LGSN: variants seen among roughly 807,000 people sequenced by gnomAD.
LGSN encodes the protein lengsin, lens protein with glutamine synthetase domain.
LGSN carries 21 observed loss-of-function variants against 19.5 expected under a neutral mutation model. That is an observed-to-expected ratio of 1.07 (90% CI 0.76 to 1.55). LGSN has a LOEUF of 1.55. Ranked by LOEUF, LGSN falls within the 40% of genes most tolerant of loss-of-function variation. The probability of loss-of-function intolerance (pLI) is 0.00; values close to 1 mark genes in which losing one functional copy is unlikely to be tolerated. For synonymous variants in LGSN, 257 were observed against 215.6 expected, an observed-to-expected ratio of 1.19 and a Z score of -1.68; for missense variants, 673 against 608.5, an observed-to-expected ratio of 1.11 and a Z score of -1.12.
chr6:63,515,565 TA>T, the LGSN span, among the ~76,000 whole-genome samples: 1 of 152,202 alleles, frequency 6.6e-6, no homozygotes, highest in African/African-American at 2.4e-5. Flanking sequence ...AGAAGTTATT[TA>T]AAATGTTGAA....
chr6:63,432,126 A>C, the LGSN span, among the ~76,000 whole-genome samples: 1 of 123,458 alleles, frequency 8.1e-6, no homozygotes, highest in Non-Finnish European at 1.6e-5. Context: ...AGAAAGAAAG[A>C]AAGAAAGAAA....
chr6:63,409,305 T>TAA, the LGSN span, among the ~76,000 whole-genome samples: 1 of 152,262 alleles, frequency 6.6e-6, no homozygotes, highest in Admixed American at 6.5e-5. Flanking sequence ...ATGTAATCTT[T>TAA]CTTTAGATAT....
At chr6:63,516,870 T>C in the LGSN span, among the ~76,000 whole-genome samples, 1 of 152,154 alleles carries the variant, frequency 6.6e-6, no homozygotes, top group Non-Finnish European at 1.5e-5. Flanking sequence ...GAGGTGACCT[T>C]GGAATTGGAA....
chr6:63,455,896 G>A, the LGSN span, among the ~76,000 whole-genome samples: 59 of 151,470 alleles, frequency 3.9e-4, no homozygotes, highest in Non-Finnish European at 6.6e-4. Context: ...GCAACACAGC[G>A]AGACCCTGTC....
chr6:63,477,687 C>CTTT, the LGSN span, among the ~76,000 whole-genome samples: 19 of 61,048 alleles, frequency 3.1e-4, 2 homozygotes, highest in Admixed American at 8.3e-4. Flanking sequence ...TTCTTTTTTT[C>CTTT]TTTTTTTTTT....
the LGSN span, among the ~76,000 whole-genome samples, chr6:63,566,773 T>C: frequency 6.6e-6 from 1 of 152,282 alleles, no homozygotes. Context: ...AAAAAATTTC[T>C]CTGTAGCAGG....
At chr6:63,529,215 T>TGTGTATATATATATA in the LGSN span, among the ~76,000 whole-genome samples, 5 of 139,434 alleles carry the variant, frequency 3.6e-5, no homozygotes, top group African/African-American at 1.5e-4. Flanking sequence ...GTATATATAT[T>TGTGTATATATATATA]TGCTAATAAC....
chr6:63,407,781 T>C, the LGSN span, among the ~76,000 whole-genome samples: 6 of 152,086 alleles, frequency 3.9e-5, no homozygotes, highest in Non-Finnish European at 5.9e-5. Context: ...TAGAAAACCC[T>C]ATTGTCTCAG....
At chr6:63,418,153 T>C in the LGSN span, among the ~76,000 whole-genome samples, 3 of 152,214 alleles carry the variant, frequency 2.0e-5, no homozygotes, top group Admixed American at 2.0e-4. Flanking sequence ...TTTTATTAAT[T>C]TGATTGTTTA....
chr6:63,297,077 C>T (rs1030879590), intron 1 of LGSN, among the ~76,000 whole-genome samples: 1 of 152,046 alleles, frequency 6.6e-6, no homozygotes, highest in Non-Finnish European at 1.5e-5. Context: ...CGCGGTGGCT[C>T]ACACATGTAA....
the LGSN span, among the ~76,000 whole-genome samples, chr6:63,332,056 C>A: frequency 2.9e-3 from 446 of 152,188 alleles, 3 homozygotes; most frequent in African/African-American, 0.01. Context: ...AGGAAGGATA[C>A]AATTTCTGAG....
At chr6:63,473,653 C>T in the LGSN span, among the ~76,000 whole-genome samples, 7 of 151,376 alleles carry the variant, frequency 4.6e-5, no homozygotes, top group South Asian at 6.3e-4. Flanking sequence ...TTCATTGTTA[C>T]GAAACAGATG....
At chr6:63,544,968 A>T in the LGSN span, among the ~76,000 whole-genome samples, 2 of 152,324 alleles carry the variant, frequency 1.3e-5, no homozygotes, top group South Asian at 2.1e-4. Context: ...TCAAACTTTC[A>T]TGCACTAGTT....
At chr6:63,523,512 AAAATAAATAAAT>A in the LGSN span, among the ~76,000 whole-genome samples, 1 of 152,036 alleles carries the variant, frequency 6.6e-6, no homozygotes, top group Admixed American at 6.6e-5. Context: ...CTCCATCTCA[AAAATAAATAAAT>A]AAATAAATAA....
chr6:63,289,687 G>A (rs1219049183), intron 2 of LGSN, among the ~76,000 whole-genome samples: 1 of 152,000 alleles, frequency 6.6e-6, no homozygotes, highest in African/African-American at 2.4e-5. Flanking sequence ...TTTTGTTTGT[G>A]TTCAGTGACA....
At chr6:63,514,433 G>T in the LGSN span, among the ~76,000 whole-genome samples, 1 of 152,158 alleles carries the variant, frequency 6.6e-6, no homozygotes. Flanking sequence ...TCACCATGTT[G>T]GTCAGGCTGG....
At chr6:63,451,301 A>C in the LGSN span, among the ~76,000 whole-genome samples, 1 of 152,244 alleles carries the variant, frequency 6.6e-6, no homozygotes, top group Admixed American at 6.5e-5. Flanking sequence ...TATTCATTGC[A>C]GCACTATTCA....
At chr6:63,308,138 T>G (rs1768473029) in intron 1 of LGSN, among the ~76,000 whole-genome samples, 2 of 152,214 alleles carry the variant, frequency 1.3e-5, no homozygotes, top group African/African-American at 4.8e-5. Flanking sequence ...TATATACATT[T>G]AATTCATGCT....
chr6:63,364,196 G>C, the LGSN span, among the ~76,000 whole-genome samples: 3 of 151,902 alleles, frequency 2.0e-5, no homozygotes, highest in African/African-American at 4.8e-5. Flanking sequence ...CTCACATGCA[G>C]AGACACACAT....
Sources: allele counts gnomAD v4.1 joint callset (sites outside exome capture counted in the v4.1 genomes callset), GRCh38; gene constraint gnomAD v4.1.1; transcripts MANE v1.5; gene names NCBI Gene and HGNC (gene_info 2026-07-23, HGNC 2026-07-21).